SPC25: variants seen among roughly 807,000 people sequenced by gnomAD.
The protein encoded by SPC25 is SPC25 component of NDC80 kinetochore complex, also known as kinetochore protein Spc25.
In SPC25, 22 loss-of-function variants were observed where a neutral mutation model predicts 29.6. That is an observed-to-expected ratio of 0.74 (90% CI 0.53 to 1.06). SPC25 has a LOEUF of 1.06. SPC25 is among the 50% of genes least tolerant of loss of function. SPC25 has a pLI of 0.00. For synonymous variants in SPC25, 91 were observed against 90.4 expected, an observed-to-expected ratio of 1.01 and a Z score of -0.04; for missense variants, 230 against 255.8, an observed-to-expected ratio of 0.90 and a Z score of 0.69.
intron 1 of SPC25, among the ~76,000 whole-genome samples, chr2:168,889,924 C>T (rs1690362719): frequency 6.6e-6 from 1 of 152,172 alleles, no homozygotes; most frequent in South Asian, 2.1e-4. Context: ...AGACCCCACA[C>T]ATCTATCCTG....
chr2:168,866,209 C>A (rs830185), downstream of SPC25, among the ~76,000 whole-genome samples: 31,001 of 146,128 alleles, frequency 0.21, 1 homozygote, highest in South Asian at 0.39. Context: ...ATCACGCTAC[C>A]TGACTTCAAA....
chr2:168,888,040 C>T (rs975864171), intron 3 of SPC25, among the ~76,000 whole-genome samples: 1 of 151,796 alleles, frequency 6.6e-6, no homozygotes, highest in Non-Finnish European at 1.5e-5. Context: ...GCACTTTGGG[C>T]AGCCAAAGTG....
In SPC25 at chr2:168,873,701, T is replaced by G. The variant is rs940258802; in HGVS notation, c.452-18A>C. ...TTTCTCACCTGAAAAGAGATTAAAC[T>G]ATTTAGTGTGTCAAAGCTTTCAATG... On this transcript the variant is annotated intron_variant, in intron 5 of 6. Coordinates refer to ENST00000282074, the MANE Select transcript of SPC25 (RefSeq NM_020675.4). 3 of 1,538,342 alleles carry G rather than the reference T, an allele frequency of 2.0e-6. No homozygotes were observed. Among genetic ancestry groups the G allele is most frequent in the Admixed American group, 1.7e-5 (1 of 59,666 alleles).
rs1429933957 is a variant in SPC25, at chr2:168,863,333, T to C, written n.419+10252A>G. 3 of 876,640 alleles carry C rather than the reference T, an allele frequency of 3.4e-6. No homozygotes were observed. In the African/African-American group the frequency reaches 5.5e-5, roughly 16 times the overall value. The allele number at this position is 876,640 out of a possible 1,614,324, so 54.3% of individuals were successfully genotyped here. A position where few individuals can be genotyped will look rare whatever the true frequency, so the allele number is the denominator to read the frequency against. On this transcript the variant is annotated intron_variant and non_coding_transcript_variant, in intron 4 of 4. Transcript: ENST00000479309. ...GAATAGTGATTTATGACTAAGAAAA[T>C]GTAGAAAAGATAGAAAAGGAGTTAA...
At chr2:168,884,345 A>C (rs1296790104) in intron 3 of SPC25, among the ~76,000 whole-genome samples, 4 of 152,214 alleles carry the variant, frequency 2.6e-5, no homozygotes, top group Non-Finnish European at 5.9e-5. Context: ...GATTTATAAT[A>C]ATGTAAAAGC....
At chr2:168,863,241 C>G (rs546492989) in intron 4 of SPC25, 28 of 235,218 alleles carry the variant, frequency 1.2e-4, no homozygotes, top group African/African-American at 6.3e-4. Context: ...TGTTTGAATT[C>G]TTGTTAATAG....
At position 168,864,822 on chromosome 2, in the gene SPC25, G is replaced by GTAT. The variant is rs1438438827; in HGVS notation, n.419+8760_419+8762dup. The GTAT allele has an allele frequency of 4.3e-6, 7 of 1,613,392 alleles. No individual in the cohort carries two copies. In the East Asian group the frequency reaches 1.6e-4, roughly 36 times the overall value. On this transcript the variant is annotated intron_variant and non_coding_transcript_variant, in intron 4 of 4. Coordinates refer to the SPC25 transcript ENST00000479309. ...ATCACAGAGACCCATTTGTCTAACT[G>GTAT]TATTTTCACAGGTGACATTGTGATT...
intron 4 of SPC25, chr2:168,862,186 A>G: frequency 1.4e-6 from 1 of 710,218 alleles, no homozygotes; most frequent in Non-Finnish European, 2.4e-6. Context: ...AGATAAGCAC[A>G]TCTAAAACAA....
intron 6 of SPC25, among the ~76,000 whole-genome samples, chr2:168,872,703 T>G (rs1317384751): frequency 6.6e-6 from 1 of 152,116 alleles, no homozygotes; most frequent in Non-Finnish European, 1.5e-5. Context: ...ATTGAAAAGC[T>G]AAATAAGAGG....
Position 168,889,186 on chromosome 2 carries a change from T to C in SPC25, c.199+40A>G, listed in dbSNP as rs757427677. On this transcript the variant is annotated intron_variant, in intron 3 of 6. Coordinates refer to ENST00000282074, the MANE Select transcript of SPC25 (RefSeq NM_020675.4). ...GAGAGATTTCATGATAAAGATGTTT[T>C]ATCTAAAAAAAACCCCATGATTTAT... 1.0e-5 allele frequency: 16 copies of C among 1,564,826 alleles called. No homozygotes were observed. In the South Asian group the frequency reaches 1.3e-4, roughly 12 times the overall value.
Position 168,875,504 on chromosome 2 carries a change from G to A in SPC25, c.451+568C>T, listed in dbSNP as rs139966588. ...AATAAAACAGAACAATTACAACAACGTACTGTAATAAAAGTTATATTAATG... is the reference window on the plus strand; with the variant it reads ...AATAAAACAGAACAATTACAACAACATACTGTAATAAAAGTTATATTAATG... On this transcript the variant is annotated intron_variant, in intron 5 of 6. Coordinates refer to ENST00000282074, the MANE Select transcript of SPC25 (RefSeq NM_020675.4). Among the ~76,000 whole-genome samples, 1,191 of 152,106 alleles carry A rather than the reference G, an allele frequency of 7.8e-3. 7 individuals are homozygous for A. The highest frequency in any genetic ancestry group is 0.012 in the Non-Finnish European group (838 of 67,966).
At chr2:168,864,076 TCCTG>T (rs1689680421) in intron 4 of SPC25, among the ~76,000 whole-genome samples, 1 of 151,880 alleles carries the variant, frequency 6.6e-6, no homozygotes, top group African/African-American at 2.4e-5. Flanking sequence ...CAAGTGATTC[TCCTG>T]CCTCAGTCTC....
downstream of SPC25, among the ~76,000 whole-genome samples, chr2:168,867,937 T>C (rs1406385403): frequency 6.6e-5 from 10 of 152,238 alleles, no homozygotes; most frequent in Non-Finnish European, 1.5e-4. Flanking sequence ...ATTCCAAAAT[T>C]GACCACATAC....
chr2:168,886,208 C>A (rs1690259287), intron 3 of SPC25, among the ~76,000 whole-genome samples: 1 of 151,938 alleles, frequency 6.6e-6, no homozygotes, highest in Non-Finnish European at 1.5e-5. Flanking sequence ...TGCCCACCAC[C>A]ACACCTGGCT....
intron 4 of SPC25, among the ~76,000 whole-genome samples, 190 bp downstream of exon 4, chr2:168,877,048 G>A (rs780812670): frequency 2.0e-5 from 3 of 152,068 alleles, no homozygotes; most frequent in Non-Finnish European, 2.9e-5. Flanking sequence ...GGCCCTTTAA[G>A]TAAGACAAAA....
At chr2:168,880,647 C>CA (rs1690163310) in intron 3 of SPC25, among the ~76,000 whole-genome samples, 1 of 152,346 alleles carries the variant, frequency 6.6e-6, no homozygotes, top group South Asian at 2.1e-4. Context: ...TTTTGACACA[C>CA]TTTCCCACTA....
intron 4 of SPC25, chr2:168,864,887 T>G (rs1559148825): frequency 4.3e-6 from 7 of 1,614,050 alleles, no homozygotes; most frequent in Non-Finnish European, 5.9e-6. Flanking sequence ...GTTTGGATCT[T>G]TGAATGGGAA....
At chr2:168,864,745 G>A (rs748633996) in intron 4 of SPC25, 1 of 1,474,208 alleles carries the variant, frequency 6.8e-7, no homozygotes, top group African/African-American at 1.4e-5. Context: ...GTAAATCCTT[G>A]AAGCAGAACC....
chr2:168,890,274 G>C, intron 1 of SPC25, 44 bp downstream of exon 1: 1 of 938,980 alleles, frequency 1.1e-6, no homozygotes, highest in Non-Finnish European at 1.3e-6. Flanking sequence ...CCCTTATTGC[G>C]ACAGGGGGGC....
Sources: allele counts gnomAD v4.1 joint callset (sites outside exome capture counted in the v4.1 genomes callset), GRCh38; gene constraint gnomAD v4.1.1; transcripts MANE v1.5; gene names NCBI Gene and HGNC (gene_info 2026-07-23, HGNC 2026-07-21).